SLC35F4: variants seen among roughly 807,000 people sequenced by gnomAD.
The protein encoded by SLC35F4 is solute carrier family 35 member F4, also known as chromosome 14 open reading frame 36.
A neutral mutation model predicts 44.2 loss-of-function variants in SLC35F4; 24 were observed. That is an observed-to-expected ratio of 0.54 (90% CI 0.39 to 0.76). The LOEUF (loss-of-function observed/expected upper bound fraction) is 0.76. Among genes scored for constraint, SLC35F4 ranks in the 30% least tolerant of loss-of-function variants. SLC35F4 has a pLI of 0.00. For missense variants in SLC35F4, 562 were observed against 586.1 expected (o/e 0.96, Z 0.42); for synonymous variants, 238 against 223.6 (o/e 1.06, Z -0.57).
At chr14:57,647,181 G>A (rs1037050405) in intron 1 of SLC35F4, among the ~76,000 whole-genome samples, 1 of 150,852 alleles carries the variant, frequency 6.6e-6, no homozygotes, top group South Asian at 2.1e-4. Flanking sequence ...TATCCTTGTT[G>A]ACTTTCTGTC....
At chr14:57,698,919 C>T (rs994477356) in intron 1 of SLC35F4, among the ~76,000 whole-genome samples, 17 of 152,132 alleles carry the variant, frequency 1.1e-4, no homozygotes, top group African/African-American at 4.1e-4. Flanking sequence ...AGACACCATG[C>T]CTGGCCATGA....
chr14:57,952,470 T>C (rs926768537), intron 1 of SLC35F4, among the ~76,000 whole-genome samples: 4 of 152,084 alleles, frequency 2.6e-5, no homozygotes, highest in Admixed American at 6.5e-5. Flanking sequence ...CTTCAGAAGA[T>C]GGGTAATAAC....
intron 1 of SLC35F4, among the ~76,000 whole-genome samples, chr14:57,839,822 G>A (rs890615965): frequency 2.8e-4 from 42 of 152,072 alleles, no homozygotes; most frequent in Admixed American, 2.8e-3. Flanking sequence ...TTGGAGCCCA[G>A]GCATCTGTAT....
At chr14:57,909,541 T>TACACACAC (rs56024301) in intron 1 of SLC35F4, among the ~76,000 whole-genome samples, 2 of 148,652 alleles carry the variant, frequency 1.3e-5, no homozygotes, top group East Asian at 4.0e-4. Context: ...CAGTTGGAAA[T>TACACACAC]ACACACACAC....
At chr14:57,756,276 A>G (rs1409969605) in intron 1 of SLC35F4, among the ~76,000 whole-genome samples, 1 of 151,852 alleles carries the variant, frequency 6.6e-6, no homozygotes, top group Non-Finnish European at 1.5e-5. Flanking sequence ...CCTTCATTTC[A>G]TTTTCATTTC....
At chr14:57,630,580 AG>A in intron 1 of SLC35F4, 1 of 975,902 alleles carries the variant, frequency 1.0e-6, no homozygotes, top group Non-Finnish European at 1.6e-6. Context: ...AAAAGGAATT[AG>A]GGAAAAAAAG....
intron 1 of SLC35F4, among the ~76,000 whole-genome samples, chr14:57,685,094 AT>A (rs548259703): frequency 4.6e-5 from 7 of 152,140 alleles, no homozygotes; most frequent in East Asian, 1.9e-4. Context: ...ATAAATCTAT[AT>A]TTTTTATCAA....
intron 1 of SLC35F4, among the ~76,000 whole-genome samples, chr14:57,668,013 A>C (rs1173080063): frequency 1.4e-5 from 2 of 146,200 alleles, no homozygotes; most frequent in Admixed American, 6.8e-5. Flanking sequence ...CTGACTTTTT[A>C]ATGATTGCCA....
At chr14:57,649,167 A>G (rs1409972220) in intron 1 of SLC35F4, among the ~76,000 whole-genome samples, 1 of 152,162 alleles carries the variant, frequency 6.6e-6, no homozygotes, top group Non-Finnish European at 1.5e-5. Flanking sequence ...CCCCATTTAT[A>G]ATTACTCCCT....
chr14:57,925,200 C>G (rs1889532999), intron 1 of SLC35F4, among the ~76,000 whole-genome samples: 1 of 152,000 alleles, frequency 6.6e-6, no homozygotes, highest in African/African-American at 2.4e-5. Context: ...CCACCTCCTA[C>G]ACTGGGGATC....
At chr14:57,736,586 A>T (rs2076470284) in intron 1 of SLC35F4, among the ~76,000 whole-genome samples, 1 of 152,170 alleles carries the variant, frequency 6.6e-6, no homozygotes. Flanking sequence ...AAGGCCCAGG[A>T]GGCAGCTGAT....
intron 1 of SLC35F4, among the ~76,000 whole-genome samples, chr14:57,745,676 C>A (rs948250439): frequency 6.6e-6 from 1 of 152,098 alleles, no homozygotes; most frequent in South Asian, 2.1e-4. Context: ...GGCAGTGTGG[C>A]GATTCCTCAA....
chr14:57,670,552 A>G (rs563935000), intron 1 of SLC35F4, among the ~76,000 whole-genome samples: 1 of 152,018 alleles, frequency 6.6e-6, no homozygotes, highest in Non-Finnish European at 1.5e-5. Flanking sequence ...CGTTGGTTTC[A>G]AAGAACATCT....
At chr14:57,743,313 T>C (rs1038353262) in intron 1 of SLC35F4, among the ~76,000 whole-genome samples, 27 of 152,002 alleles carry the variant, frequency 1.8e-4, no homozygotes, top group Admixed American at 3.3e-4. Context: ...ATCAACAAAA[T>C]TGATAGGCCG....
intron 2 of SLC35F4, 83 bp from the exon 3 acceptor site, chr14:57,589,596 G>C (rs1328027184): frequency 1.5e-6 from 2 of 1,343,538 alleles, no homozygotes. Flanking sequence ...AAAAAAGATG[G>C]ATGAAACCAA....
intron 1 of SLC35F4, among the ~76,000 whole-genome samples, chr14:57,888,061 T>C (rs1042193554): frequency 6.6e-5 from 10 of 151,878 alleles, no homozygotes; most frequent in African/African-American, 2.4e-4. Flanking sequence ...CCCCATGGAG[T>C]TCTTCATTGT....
chr14:57,789,626 T>A (rs941704744), intron 1 of SLC35F4, among the ~76,000 whole-genome samples: 14 of 152,200 alleles, frequency 9.2e-5, no homozygotes, highest in Admixed American at 9.2e-4. Context: ...AAAAGAGGGA[T>A]TCCTCCCTAA....
chr14:57,600,475 G>A (rs1224810357), intron 1 of SLC35F4, among the ~76,000 whole-genome samples: 2 of 150,376 alleles, frequency 1.3e-5, no homozygotes, highest in African/African-American at 2.4e-5. Flanking sequence ...GGCGGATCAC[G>A]AGGTCAGGAG....
intron 1 of SLC35F4, among the ~76,000 whole-genome samples, chr14:57,674,611 A>G (rs867882201): frequency 2.6e-5 from 4 of 152,164 alleles, no homozygotes; most frequent in Non-Finnish European, 4.4e-5. Flanking sequence ...AGCACACACT[A>G]TATGTTGAGA....
Sources: allele counts gnomAD v4.1 joint callset (sites outside exome capture counted in the v4.1 genomes callset), GRCh38; gene constraint gnomAD v4.1.1; transcripts MANE v1.5; gene names NCBI Gene and HGNC (gene_info 2026-07-23, HGNC 2026-07-21).